Variants in MECOM observed in about 807,000 individuals in gnomAD.
The protein encoded by MECOM is MDS1 and EVI1 complex locus.
Under a neutral mutation model 116.3 loss-of-function variants are expected in MECOM, and 13 were observed. That is an observed-to-expected ratio of 0.11 (90% CI 0.07 to 0.18). MECOM has a LOEUF of 0.18. MECOM is among the 10% of genes least tolerant of loss of function. The pLI, the probability that MECOM is intolerant of heterozygous loss-of-function variation, is 1.00. For missense variants in MECOM, 1,299 were observed against 1,509.0 expected, an observed-to-expected ratio of 0.86 and a Z score of 2.31; for synonymous variants, 528 against 535.2, an observed-to-expected ratio of 0.99 and a Z score of 0.19.
intron 2 of MECOM, among the ~76,000 whole-genome samples, chr3:169,273,545 C>A (rs761783267): frequency 6.6e-6 from 1 of 152,098 alleles, no homozygotes. Flanking sequence ...ATGTTTTCTG[C>A]GCATCCTGGT....
At chr3:169,204,879 T>A (rs1749691266) in intron 2 of MECOM, among the ~76,000 whole-genome samples, 1 of 152,202 alleles carries the variant, frequency 6.6e-6, no homozygotes, top group Non-Finnish European at 1.5e-5. Flanking sequence ...AAAGTTACAT[T>A]GAGTGTGACC....
chr3:169,420,300 G>C (rs911205054), intron 1 of MECOM, among the ~76,000 whole-genome samples: 1 of 152,088 alleles, frequency 6.6e-6, no homozygotes, highest in African/African-American at 2.4e-5. Flanking sequence ...CCTAGAAAGA[G>C]CTCTGACCTG....
chr3:169,281,826 T>A (rs9990249), intron 2 of MECOM, among the ~76,000 whole-genome samples: 21,278 of 151,856 alleles, frequency 0.14, 3,105 homozygotes, highest in African/African-American at 0.36. Context: ...AAATTTTTTT[T>A]AAAAAAAGAC....
chr3:169,292,582 G>A (rs901320530), intron 2 of MECOM, among the ~76,000 whole-genome samples: 2 of 152,116 alleles, frequency 1.3e-5, no homozygotes, highest in African/African-American at 2.4e-5. Context: ...ATCTCTCTGA[G>A]CCACAAGGTC....
intron 2 of MECOM, among the ~76,000 whole-genome samples, chr3:169,168,323 C>A (rs545715591): frequency 5.2e-4 from 77 of 146,688 alleles, no homozygotes; most frequent in Non-Finnish European, 9.0e-4. Context: ...GCATGAGTCA[C>A]CACACTTGGC....
chr3:169,143,976 G>T, intron 2 of MECOM, 144 bp from the exon 3 acceptor site: 1 of 904,782 alleles, frequency 1.1e-6, no homozygotes, highest in Non-Finnish European at 1.5e-6. Flanking sequence ...TTAATAGAGG[G>T]GAAATGAGAA....
chr3:169,472,274 T>TA (rs557333184), intron 1 of MECOM, among the ~76,000 whole-genome samples: 2,952 of 139,734 alleles, frequency 0.021, 92 homozygotes, highest in African/African-American at 0.067. Flanking sequence ...TAATATTGTG[T>TA]AAAAAAAAAA....
chr3:169,237,135 T>G (rs1754162734), intron 2 of MECOM, among the ~76,000 whole-genome samples: 1 of 152,212 alleles, frequency 6.6e-6, no homozygotes, highest in African/African-American at 2.4e-5. Context: ...TAATGTAATA[T>G]CCACTAGGAT....
chr3:169,209,331 C>CA (rs1750393307), intron 2 of MECOM, among the ~76,000 whole-genome samples: 1 of 151,974 alleles, frequency 6.6e-6, no homozygotes, highest in Middle Eastern at 3.4e-3. Flanking sequence ...AAAGCAATTG[C>CA]AAAAAAAGCC....
chr3:169,281,205 T>C (rs1485290693), intron 2 of MECOM, among the ~76,000 whole-genome samples: 3 of 152,220 alleles, frequency 2.0e-5, no homozygotes, highest in Admixed American at 1.3e-4. Context: ...CTGAATCGGA[T>C]TCTGCGTTTA....
intron 2 of MECOM, among the ~76,000 whole-genome samples, chr3:169,290,194 C>G (rs1403440861): frequency 2.0e-5 from 3 of 152,012 alleles, no homozygotes; most frequent in Non-Finnish European, 4.4e-5. Context: ...CATGCTGTAT[C>G]CAAATGTTAA....
At chr3:169,590,718 G>A (rs955974817) in intron 1 of MECOM, among the ~76,000 whole-genome samples, 8 of 152,116 alleles carry the variant, frequency 5.3e-5, no homozygotes, top group African/African-American at 1.9e-4. Flanking sequence ...TAAAGTCCAC[G>A]CACTGCCACT....
chr3:169,627,906 C>T (rs1171064210), intron 1 of MECOM, among the ~76,000 whole-genome samples: 1 of 152,200 alleles, frequency 6.6e-6, no homozygotes, highest in Non-Finnish European at 1.5e-5. Flanking sequence ...ATTTACACCG[C>T]AGATTTGAGC....
intron 1 of MECOM, among the ~76,000 whole-genome samples, chr3:169,427,878 C>T (rs1189040125): frequency 1.3e-5 from 2 of 152,154 alleles, no homozygotes; most frequent in African/African-American, 2.4e-5. Context: ...AAATCCTAAC[C>T]TCTAATACCT....
At chr3:169,142,628 G>T (rs918559469) in intron 3 of MECOM, among the ~76,000 whole-genome samples, 6 of 151,876 alleles carry the variant, frequency 4.0e-5, no homozygotes, top group Admixed American at 1.3e-4. Flanking sequence ...ATTTTTAAAT[G>T]ATTTCCATTT....
chr3:169,249,619 C>A (rs919894240), intron 2 of MECOM, among the ~76,000 whole-genome samples: 4 of 152,060 alleles, frequency 2.6e-5, no homozygotes, highest in Non-Finnish European at 5.9e-5. Flanking sequence ...TCGTGGTAAT[C>A]AAATGTGATA....
chr3:169,369,141 C>T (rs1729663993), intron 2 of MECOM, among the ~76,000 whole-genome samples: 1 of 151,896 alleles, frequency 6.6e-6, no homozygotes, highest in South Asian at 2.1e-4. Context: ...GAGTAATAGA[C>T]ATGCTGGACT....
At chr3:169,625,764 C>T (rs1771290441) in intron 1 of MECOM, among the ~76,000 whole-genome samples, 1 of 152,124 alleles carries the variant, frequency 6.6e-6, no homozygotes, top group Admixed American at 6.5e-5. Flanking sequence ...TCATTAGGCC[C>T]AGTAAAAATA....
chr3:169,439,117 TTAA>T (rs1353912440), intron 1 of MECOM, among the ~76,000 whole-genome samples: 2 of 147,576 alleles, frequency 1.4e-5, no homozygotes, highest in Non-Finnish European at 1.5e-5. Flanking sequence ...ATTAATATTA[TTAA>T]TATTATTTAA....
Sources: allele counts gnomAD v4.1 joint callset (sites outside exome capture counted in the v4.1 genomes callset), GRCh38; gene constraint gnomAD v4.1.1; transcripts MANE v1.5; gene names NCBI Gene and HGNC (gene_info 2026-07-23, HGNC 2026-07-21).